ETS1: variants seen among roughly 807,000 people sequenced by gnomAD.
The protein encoded by ETS1 is ETS proto-oncogene 1, transcription factor.
In ETS1, 15 loss-of-function variants were observed where a neutral mutation model predicts 58.6. The ratio of observed to expected loss-of-function variants is 0.26; its 90% CI spans 0.17 to 0.39. The LOEUF is 0.39. Ranked by LOEUF, ETS1 falls within the 10% of genes least tolerant of loss-of-function variation. The pLI is 1.00. For synonymous variants in ETS1, 214 were observed against 218.2 expected, an observed-to-expected ratio of 0.98 and a Z score of 0.17; for missense variants, 417 against 610.5, an observed-to-expected ratio of 0.68 and a Z score of 3.34.
At chr11:128,546,514 C>T (rs987932854) in intron 3 of ETS1, among the ~76,000 whole-genome samples, 10 of 152,210 alleles carry the variant, frequency 6.6e-5, no homozygotes, top group African/African-American at 2.4e-4. Context: ...TCCTCCCATA[C>T]ACTTTAAGTC....
chr11:128,556,325 C>G lies in ETS1; in HGVS notation c.180G>C (p.Gln60His). The G allele has an allele frequency of 6.2e-7, 1 of 1,613,496 alleles. No individual in the cohort carries two copies. The highest frequency in any genetic ancestry group is 2.2e-5 in the East Asian group (1 of 44,862). The part of the protein sequence containing the change: ...CYPFWDEMAT[Q>H]EVPTGLEHCV... ...AGTGTTCAAGACCAGTAGGAACTTCCTGAGTTGCCATCTCATCCCAAAAGG... is the reference window on the plus strand; with the variant it reads ...AGTGTTCAAGACCAGTAGGAACTTCGTGAGTTGCCATCTCATCCCAAAAGG... The change falls in exon 3 of 10, where the codon CAG becomes CAC. Residue 60 changes from glutamine (Q) to histidine (H), a missense_variant. Physicochemically the swap from Gln to His is conservative, Grantham distance 24. This residue lies in a region of ETS1 where 90 missense variants were observed against 90.3 expected (regional missense o/e 1.00). Transcript: ENST00000392668.
At position 128,495,310 on chromosome 11, in the gene ETS1, G is replaced by GA. The variant is rs890990124; in HGVS notation, c.215-4735dup. ...GAAAACTAACATTTTTCAGAGCTGA[G>GA]AAAAAAAAAATGGGACTTTTCCTTT... is the stretch of plus-strand genomic sequence containing the variant. On this transcript the variant is annotated intron_variant, in intron 3 of 9. Coordinates refer to ENST00000392668, the MANE Select transcript of ETS1 (RefSeq NM_001143820.2). Among the ~76,000 whole-genome samples, 40 of 148,452 alleles carry GA rather than the reference G, an allele frequency of 2.7e-4. 1 individual carries two copies. The highest frequency in any genetic ancestry group is 1.2e-3 in the Admixed American group (18 of 14,934).
chr11:128,510,847 C>A (rs7924522), intron 3 of ETS1, among the ~76,000 whole-genome samples: 106,495 of 152,032 alleles, frequency 0.7, 37,642 homozygotes, highest in East Asian at 0.87. Context: ...ATGGAAAACC[C>A]GTCATTTGAC....
At chr11:128,475,034 A>G (rs919879677) in intron 8 of ETS1, among the ~76,000 whole-genome samples, 6 of 152,252 alleles carry the variant, frequency 3.9e-5, no homozygotes, top group Non-Finnish European at 8.8e-5. Context: ...CAGCATTTAC[A>G]TGGAGAGACT....
chr11:128,490,148 T>C (rs1003611193), intron 4 of ETS1, among the ~76,000 whole-genome samples: 1 of 152,198 alleles, frequency 6.6e-6, no homozygotes, highest in African/African-American at 2.4e-5. Flanking sequence ...CCAATGACAC[T>C]TAGAAGTTCA....
intron 3 of ETS1, among the ~76,000 whole-genome samples, chr11:128,494,976 G>A (rs1338190619): frequency 1.3e-5 from 2 of 152,154 alleles, no homozygotes; most frequent in Admixed American, 6.5e-5. Context: ...ACACTCAATA[G>A]CAGCATGAAA....
chr11:128,540,029 T>G (rs12366104), intron 3 of ETS1, among the ~76,000 whole-genome samples: 6,905 of 152,258 alleles, frequency 0.045, 279 homozygotes, highest in South Asian at 0.12. Context: ...AATAAAAATG[T>G]TGCTGGGCGC....
chr11:128,540,071 G>A (rs1386106814), intron 3 of ETS1, among the ~76,000 whole-genome samples: 1 of 152,170 alleles, frequency 6.6e-6, no homozygotes, highest in African/African-American at 2.4e-5. Context: ...CAGCACTTTG[G>A]GAGGCCAAGG....
intron 3 of ETS1, among the ~76,000 whole-genome samples, chr11:128,515,958 T>C (rs1192114009): frequency 6.6e-6 from 1 of 152,146 alleles, no homozygotes; most frequent in Non-Finnish European, 1.5e-5. Flanking sequence ...TATGACAGCG[T>C]TGGCCAAGTG....
chr11:128,548,107 A>AAAGGG (rs1385722390), intron 3 of ETS1, among the ~76,000 whole-genome samples: 15 of 74,388 alleles, frequency 2.0e-4, no homozygotes, highest in South Asian at 5.1e-4. Flanking sequence ...GAAGGAAAGG[A>AAAGGG]AAGGGAAGGA....
intron 8 of ETS1, 55 bp downstream of exon 8, chr11:128,480,136 C>T: frequency 1.1e-5 from 18 of 1,595,690 alleles, no homozygotes; most frequent in East Asian, 2.2e-5. Context: ...CTTCCAGGAC[C>T]CCACCCACAG....
chr11:128,574,836 G>A (rs1267466012), intron 1 of ETS1, among the ~76,000 whole-genome samples: 3 of 152,170 alleles, frequency 2.0e-5, no homozygotes, highest in African/African-American at 7.2e-5. Context: ...ATCTTTGGTT[G>A]AGACATAAAA....
chr11:128,467,214 C>T (rs910092952), intron 8 of ETS1, among the ~76,000 whole-genome samples: 1 of 152,210 alleles, frequency 6.6e-6, no homozygotes, highest in Non-Finnish European at 1.5e-5. Flanking sequence ...GAGCCTGTCT[C>T]CACAGCAATG....
At chr11:128,567,664 ACT>A (rs1373199728) in intron 2 of ETS1, among the ~76,000 whole-genome samples, 1 of 151,308 alleles carries the variant, frequency 6.6e-6, no homozygotes, top group African/African-American at 2.4e-5. Flanking sequence ...ACAGAGTCTC[ACT>A]CTGTTGCTCA....
At chr11:128,538,651 CA>C (rs1266276444) in intron 3 of ETS1, among the ~76,000 whole-genome samples, 1 of 152,074 alleles carries the variant, frequency 6.6e-6, no homozygotes, top group Non-Finnish European at 1.5e-5. Flanking sequence ...AAGATTTAAA[CA>C]GGGTAATGTA....
chr11:128,569,651 G>A (rs932104582), intron 2 of ETS1, among the ~76,000 whole-genome samples: 7 of 152,008 alleles, frequency 4.6e-5, no homozygotes, highest in Admixed American at 6.6e-5. Context: ...TAAAGTTAGA[G>A]GTTATGGTTT....
intron 1 of ETS1, among the ~76,000 whole-genome samples, chr11:128,584,899 G>C (rs1864942949): frequency 7.2e-6 from 1 of 139,430 alleles, no homozygotes; most frequent in Admixed American, 7.6e-5. Context: ...GAAGAAGAAA[G>C]GAGGGGAGAG....
Position 128,459,336 on chromosome 11 carries a change from A to T in ETS1, c.*3025T>A, listed in dbSNP as rs1861845999. 1.3e-5 allele frequency: 2 copies of T among 152,736 alleles called. No individual in the cohort carries two copies. Among genetic ancestry groups the T allele is most frequent in the African/African-American group, 4.8e-5 (2 of 41,432 alleles). 9.5% of individuals were successfully genotyped at this position (152,736 alleles called of 1,614,324 possible). On this transcript the variant is annotated 3_prime_UTR_variant, in exon 10 of 10. Coordinates refer to ENST00000392668, the MANE Select transcript of ETS1 (RefSeq NM_001143820.2). ...AGCATGACTAGAAGAGAGATGGTGTATTTCTCACCATGAAGGTTAGGCAGG... is the reference window on the plus strand; with the variant it reads ...AGCATGACTAGAAGAGAGATGGTGTTTTTCTCACCATGAAGGTTAGGCAGG...
At chr11:128,488,787 A>G (rs1862710456) in intron 5 of ETS1, among the ~76,000 whole-genome samples, 1 of 152,170 alleles carries the variant, frequency 6.6e-6, no homozygotes, top group African/African-American at 2.4e-5. Flanking sequence ...TGTAAAAGGT[A>G]TGATGCACTA....
Sources: gnomAD v4.1 joint callset for allele counts (sites outside exome capture counted in the v4.1 genomes callset) on GRCh38, gnomAD v4.1.1 for gene constraint, gnomAD v4.1.1 regional missense constraint, MANE v1.5 for transcripts, NCBI Gene and HGNC (gene_info 2026-07-23, HGNC 2026-07-21) for gene names.